APC: variants seen among roughly 807,000 people sequenced by gnomAD.
APC encodes the protein APC regulator of Wnt signaling pathway.
A neutral mutation model predicts 247.0 loss-of-function variants in APC; 72 were observed. The observed-to-expected ratio is 0.29, with a 90% CI of 0.24 to 0.35. APC has a LOEUF of 0.35. APC is among the 10% of genes least tolerant of loss of function. APC has a pLI of 1.00. For missense variants in APC, 3,400 were observed against 3,360.7 expected (o/e 1.01, Z -0.29); for synonymous variants, 1,254 against 1,162.5 (o/e 1.08, Z -1.60).
intron 1 of APC, among the ~76,000 whole-genome samples, chr5:112,729,117 AG>A (rs1751959332): frequency 6.6e-6 from 1 of 152,208 alleles, no homozygotes; most frequent in African/African-American, 2.4e-5. Context: ...GTCCTCTTCT[AG>A]ATTATAAATT....
At chr5:112,832,585 G>C (rs537011666) in intron 14 of APC, among the ~76,000 whole-genome samples, 16 of 152,214 alleles carry the variant, frequency 1.1e-4, no homozygotes, top group African/African-American at 3.6e-4. Flanking sequence ...ATTTTCCACT[G>C]TTCCCCATCA....
chr5:112,842,673 G>A lies in APC; in HGVS notation c.7079G>A (p.Gly2360Asp), dbSNP rs750960862. Reference protein sequence around the residue: ...SPSTASTKSSGSGKMSYTSPG... With the variant: ...SPSTASTKSSDSGKMSYTSPG... Reference sequence around the variant, plus strand: ...AGTACTGCTTCAACTAAGTCCTCAGGTTCTGGAAAAATGTCATATACATCT... The same window carrying A: ...AGTACTGCTTCAACTAAGTCCTCAGATTCTGGAAAAATGTCATATACATCT... Residue 2360 changes from glycine (G) to aspartate (D), a missense_variant, in exon 16 of 16, where the codon GGT becomes GAT. Gly to Asp is a moderately conservative substitution (Grantham distance 94). Around this residue, in one of 9 missense-constraint regions of APC, gnomAD observed 1,788 missense variants for 1,649.5 expected, o/e 1.08. Transcript: ENST00000257430. The A allele has an allele frequency of 6.2e-7, 1 of 1,613,604 alleles. No individual in the cohort carries two copies. The highest frequency in any genetic ancestry group is 1.7e-4 in the Middle Eastern group (1 of 6,058).
intron 13 of APC, 112 bp downstream of exon 13, chr5:112,828,118 C>G (rs1434691797): frequency 1.2e-6 from 1 of 862,590 alleles, no homozygotes; most frequent in Non-Finnish European, 1.9e-6. Flanking sequence ...TCACTGCAAC[C>G]TCTGCCTCCA....
intron 1 of APC, among the ~76,000 whole-genome samples, chr5:112,715,600 T>G (rs1438553941): frequency 6.6e-6 from 1 of 152,208 alleles, no homozygotes; most frequent in African/African-American, 2.4e-5. Context: ...ATATTTGTTA[T>G]AACATGTCAG....
chr5:112,712,521 G>A (rs1750913715), intron 1 of APC, among the ~76,000 whole-genome samples: 1 of 149,386 alleles, frequency 6.7e-6, no homozygotes, highest in Non-Finnish European at 1.5e-5. Context: ...AGCCTCCTGA[G>A]TAACTAGGAC....
intron 5 of APC, among the ~76,000 whole-genome samples, chr5:112,779,930 CAT>C (rs1274492945): frequency 1.3e-5 from 2 of 152,154 alleles, no homozygotes; most frequent in Admixed American, 1.3e-4. Context: ...AGATATATGT[CAT>C]ATACAGTTTT....
At chr5:112,719,566 G>A (rs1301015892) in intron 1 of APC, among the ~76,000 whole-genome samples, 1 of 148,798 alleles carries the variant, frequency 6.7e-6, no homozygotes, top group African/African-American at 2.5e-5. Context: ...TGGAGACAGA[G>A]TCTTACTGTG....
At chr5:112,729,278 A>G (rs1751969526) in intron 1 of APC, among the ~76,000 whole-genome samples, 1 of 152,208 alleles carries the variant, frequency 6.6e-6, no homozygotes, top group Non-Finnish European at 1.5e-5. Context: ...ATGATGAGAG[A>G]GACAGAAAAT....
intron 8 of APC, among the ~76,000 whole-genome samples, chr5:112,813,088 G>A (rs898438360): frequency 6.6e-6 from 1 of 152,152 alleles, no homozygotes; most frequent in Non-Finnish European, 1.5e-5. Context: ...TTCCCTATGC[G>A]AGTATGAATA....
At chr5:112,827,335 T>G (rs1763809034) in intron 12 of APC, 88 bp downstream of exon 12, 1 of 1,423,542 alleles carries the variant, frequency 7.0e-7, no homozygotes, top group African/African-American at 1.4e-5. Context: ...ATTTTCTTTT[T>G]TTTCACTCTC....
At chr5:112,793,015 T>C (rs900253199) in intron 7 of APC, among the ~76,000 whole-genome samples, 1 of 151,138 alleles carries the variant, frequency 6.6e-6, no homozygotes, top group Non-Finnish European at 1.5e-5. Flanking sequence ...TCAGAGAGGG[T>C]TGACCCATAA....
chr5:112,834,258 TTTA>T (rs796245426), intron 14 of APC, among the ~76,000 whole-genome samples: 134 of 116,578 alleles, frequency 1.1e-3, no homozygotes, highest in African/African-American at 3.7e-3. Flanking sequence ...TTTTTTTTTT[TTTA>T]AAAAGAGTTT....
intron 14 of APC, among the ~76,000 whole-genome samples, chr5:112,834,133 G>C (rs890185028): frequency 6.6e-6 from 1 of 151,194 alleles, no homozygotes; most frequent in East Asian, 1.9e-4. Flanking sequence ...GTACAGACGG[G>C]ATTTCACCAT....
At chr5:112,808,667 C>G (rs139136766) in intron 8 of APC, among the ~76,000 whole-genome samples, 567 of 152,248 alleles carry the variant, frequency 3.7e-3, no homozygotes, top group Non-Finnish European at 6.2e-3. Context: ...GCCTCAGCCT[C>G]CTGAGTTGCT....
intron 9 of APC, among the ~76,000 whole-genome samples, chr5:112,817,490 T>G (rs1762631425): frequency 6.6e-6 from 1 of 152,172 alleles, no homozygotes; most frequent in South Asian, 2.1e-4. Context: ...TTCTATGAAG[T>G]ATCCATATTT....
intron 8 of APC, among the ~76,000 whole-genome samples, chr5:112,802,574 A>G (rs1205542403): frequency 6.6e-6 from 1 of 152,178 alleles, no homozygotes; most frequent in East Asian, 1.9e-4. Context: ...TAAGCTGGCT[A>G]TGATAAATTG....
chr5:112,795,365 C>T (rs1342316269), intron 7 of APC, among the ~76,000 whole-genome samples: 2 of 152,170 alleles, frequency 1.3e-5, no homozygotes, highest in African/African-American at 4.8e-5. Flanking sequence ...CAGAAAGCTG[C>T]ACTGAGTTTT....
At chr5:112,810,599 T>C (rs1179198392) in intron 8 of APC, among the ~76,000 whole-genome samples, 1 of 152,198 alleles carries the variant, frequency 6.6e-6, no homozygotes, top group African/African-American at 2.4e-5. Context: ...ATTTCTCTAA[T>C]GCTGCCTGGC....
At chr5:112,783,470 C>A (rs991918349) in intron 6 of APC, among the ~76,000 whole-genome samples, 1 of 151,868 alleles carries the variant, frequency 6.6e-6, no homozygotes, top group Non-Finnish European at 1.5e-5. Context: ...TATCCCTACT[C>A]TACAAGGATC....
Sources: allele counts gnomAD v4.1 joint callset (sites outside exome capture counted in the v4.1 genomes callset), GRCh38; gene constraint gnomAD v4.1.1; regional missense constraint gnomAD v4.1.1; transcripts MANE v1.5; gene names NCBI Gene and HGNC (gene_info 2026-07-23, HGNC 2026-07-21).